The following MCF2L variants were observed in gnomAD, a reference collection of about 807,000 sequenced individuals.
MCF2L encodes the protein guanine nucleotide exchange factor DBS.
A neutral mutation model predicts 153.4 loss-of-function variants in MCF2L; 97 were observed. The observed-to-expected ratio is 0.63, with a 90% CI of 0.54 to 0.75. The LOEUF is 0.75. MCF2L is among the 30% of genes least tolerant of loss of function. The pLI is 0.00. For synonymous variants in MCF2L, 659 were observed against 632.2 expected, an observed-to-expected ratio of 1.04 and a Z score of -0.64; for missense variants, 1,347 against 1,495.2, an observed-to-expected ratio of 0.90 and a Z score of 1.64.
chr13:112,998,861 T>C (rs1288368284), intron 1 of MCF2L, among the ~76,000 whole-genome samples: 1 of 152,128 alleles, frequency 6.6e-6, no homozygotes, highest in Non-Finnish European at 1.5e-5. Flanking sequence ...CTGTTTCCCA[T>C]CTCCAGCCAG....
intron 1 of MCF2L, among the ~76,000 whole-genome samples, chr13:112,986,299 G>A (rs2082637003): frequency 1.3e-5 from 2 of 152,254 alleles, no homozygotes. Context: ...CAGCTTTGCT[G>A]TTTATAAAAC....
chr13:113,069,958 G>T (rs548840753), intron 8 of MCF2L, 101 bp from the exon 9 acceptor site: 3 of 717,202 alleles, frequency 4.2e-6, no homozygotes, highest in East Asian at 6.3e-5. Flanking sequence ...AGGAAGGCCC[G>T]GGGTGGAGAT....
chr13:112,938,573 G>A (rs1377668121), intron 2 of MCF2L, among the ~76,000 whole-genome samples: 3 of 152,238 alleles, frequency 2.0e-5, no homozygotes, highest in African/African-American at 7.2e-5. Flanking sequence ...TTTGGGACCT[G>A]AAACTGGGGT....
chr13:113,082,310 C>T, intron 16 of MCF2L, 117 bp from the exon 17 acceptor site: 1 of 665,226 alleles, frequency 1.5e-6, no homozygotes, highest in Non-Finnish European at 2.8e-6. Context: ...TAGAAATCAC[C>T]CGAGAATAAA....
At chr13:113,005,589 G>A (rs1334815875) in intron 1 of MCF2L, among the ~76,000 whole-genome samples, 2 of 151,878 alleles carry the variant, frequency 1.3e-5, no homozygotes, top group Non-Finnish European at 2.9e-5. Flanking sequence ...TGGTCTGTTT[G>A]TGGTGACCAT....
At chr13:112,961,596 C>G (rs1465723131) in intron 2 of MCF2L, among the ~76,000 whole-genome samples, 1 of 152,240 alleles carries the variant, frequency 6.6e-6, no homozygotes, top group East Asian at 1.9e-4. Flanking sequence ...GAGCCCACCC[C>G]TCTCGAGGCC....
At chr13:113,015,640 C>T (rs1363543405) in intron 2 of MCF2L, among the ~76,000 whole-genome samples, 1 of 152,198 alleles carries the variant, frequency 6.6e-6, no homozygotes, top group Non-Finnish European at 1.5e-5. Context: ...CAGCCTGCAC[C>T]CCAGGCCGGG....
At chr13:112,929,615 A>C (rs1431901653) in intron 2 of MCF2L, among the ~76,000 whole-genome samples, 4 of 152,212 alleles carry the variant, frequency 2.6e-5, no homozygotes, top group African/African-American at 9.7e-5. Context: ...GCCCCTCCAC[A>C]GCAGGTGTCA....
intron 1 of MCF2L, chr13:113,008,763 TC>T (rs2141125381): frequency 6.6e-6 from 1 of 152,344 alleles, no homozygotes; most frequent in South Asian, 2.1e-4. Context: ...CGATAACAAC[TC>T]AGTTTCCCTT....
At chr13:112,965,785 G>A (rs753017032), upstream of MCF2L, 7 of 152,208 alleles carry the variant, frequency 4.6e-5, no homozygotes, top group Non-Finnish European at 8.8e-5. Context: ...GTATCCAGGT[G>A]TCGCTTTACC....
At chr13:113,087,482 C>A in intron 22 of MCF2L, 26 bp downstream of exon 22, 1 of 1,552,944 alleles carries the variant, frequency 6.4e-7, no homozygotes. Flanking sequence ...TCTGCAGCAG[C>A]ACGCTCCTGG....
chr13:112,932,918 C>T lies in MCF2L; in HGVS notation c.169+30547C>T, dbSNP rs1477785320. 6.6e-6 allele frequency among the ~76,000 whole-genome samples: 1 copy of T among 152,106 alleles called. No individual in the cohort carries two copies. Among genetic ancestry groups the T allele is most frequent in the Non-Finnish European group, 1.5e-5 (1 of 67,994 alleles). On this transcript the variant is annotated intron_variant, in intron 2 of 29. Transcript: ENST00000375608. This position sits in a 1 kb window ranked among gnomAD's most constrained non-coding sequence, Gnocchi z 4.6. ...TGGTGACACACACCTGTAATCCCAG[C>T]TACCCAGGAGGCTGAGACAGGAGAA... is the stretch of plus-strand genomic sequence containing the variant.
At chr13:112,900,876 C>T (rs1192124291) in intron 1 of MCF2L, among the ~76,000 whole-genome samples, 1 of 151,070 alleles carries the variant, frequency 6.6e-6, no homozygotes, top group Non-Finnish European at 1.5e-5. Context: ...GCCCTGAGAG[C>T]GCCTGTGGGG....
Position 112,904,040 on chromosome 13 carries a change from C to T in MCF2L, c.169+1669C>T, listed in dbSNP as rs1049893331. 2.6e-5 allele frequency among the ~76,000 whole-genome samples: 4 copies of T among 152,120 alleles called. No homozygotes were observed. The highest frequency in any genetic ancestry group is 1.9e-4 in the East Asian group (1 of 5,186). ...TCAGCTTGGCTGTGAATTAACTGCC[C>T]GTGGCCACTCAGAACCTCGGACTGG... On this transcript the variant is annotated intron_variant, in intron 2 of 29. Coordinates refer to the MCF2L transcript ENST00000375608. This position sits in a 1 kb window ranked among gnomAD's most constrained non-coding sequence, Gnocchi z 4.2.
At chr13:113,003,118 A>G (rs1360424211) in intron 1 of MCF2L, among the ~76,000 whole-genome samples, 1 of 152,148 alleles carries the variant, frequency 6.6e-6, no homozygotes, top group East Asian at 1.9e-4. Flanking sequence ...CAAGGCTACA[A>G]TAAGGTATGA....
At chr13:113,062,647 G>A (rs2031703179) in intron 5 of MCF2L, among the ~76,000 whole-genome samples, 1 of 152,074 alleles carries the variant, frequency 6.6e-6, no homozygotes, top group Non-Finnish European at 1.5e-5. Flanking sequence ...AAATTAGAGT[G>A]GATGATGTGA....
intron 1 of MCF2L, among the ~76,000 whole-genome samples, chr13:112,987,167 G>A (rs1213243456): frequency 6.6e-6 from 1 of 152,192 alleles, no homozygotes; most frequent in Non-Finnish European, 1.5e-5. Flanking sequence ...GCCGCAGACA[G>A]CACGGGCCGC....
At chr13:112,938,729 C>A (rs1371317925) in intron 2 of MCF2L, among the ~76,000 whole-genome samples, 2 of 152,160 alleles carry the variant, frequency 1.3e-5, no homozygotes, top group Non-Finnish European at 2.9e-5. Flanking sequence ...GCCTGTGTAA[C>A]AATCAAAGTT....
chr13:112,950,332 A>G (rs1490087854), intron 2 of MCF2L, among the ~76,000 whole-genome samples: 1 of 152,240 alleles, frequency 6.6e-6, no homozygotes, highest in African/African-American at 2.4e-5. Context: ...ACAGATGAAC[A>G]GAATTCTTAT....
Sources: allele counts gnomAD v4.1 joint callset (sites outside exome capture counted in the v4.1 genomes callset), GRCh38; gene constraint gnomAD v4.1.1; non-coding constraint Gnocchi (gnomAD v3.1); transcripts MANE v1.5; gene names NCBI Gene and HGNC (gene_info 2026-07-23, HGNC 2026-07-21).